BLTP3B: variants seen among roughly 807,000 people sequenced by gnomAD.
BLTP3B encodes the protein UHRF1 (ICBP90) binding protein 1-like.
At chr12:100,103,763 TG>T in the BLTP3B span, 1 of 581,652 alleles carries the variant, frequency 1.7e-6, no homozygotes, top group Non-Finnish European at 2.7e-6. Context: ...ATTTAAAGGA[TG>T]AAAAACCTGA....
the BLTP3B span, chr12:100,086,318 A>T: frequency 1.6e-5 from 22 of 1,414,694 alleles, no homozygotes; most frequent in East Asian, 7.9e-4. Context: ...GCTGTGTAAA[A>T]GAGAGTTGCA....
At chr12:100,126,270 C>G in the BLTP3B span, among the ~76,000 whole-genome samples, 7 of 152,114 alleles carry the variant, frequency 4.6e-5, no homozygotes, top group African/African-American at 7.2e-5. Flanking sequence ...ACAGTAGACA[C>G]AGATGTAAGA....
the BLTP3B span, chr12:100,039,923 A>C: frequency 7.2e-4 from 485 of 677,870 alleles, 6 homozygotes; most frequent in African/African-American, 8.4e-3. Flanking sequence ...ATGAGATAGA[A>C]CAACCAGTAA....
At chr12:100,078,139 G>A in the BLTP3B span, among the ~76,000 whole-genome samples, 1 of 152,124 alleles carries the variant, frequency 6.6e-6, no homozygotes, top group Non-Finnish European at 1.5e-5. Flanking sequence ...GATGGGAGGT[G>A]TTTGAGTCAT....
At chr12:100,048,020 GT>G in the BLTP3B span, 1 of 1,607,582 alleles carries the variant, frequency 6.2e-7, no homozygotes. Context: ...TCCAAAAAAT[GT>G]TGAATATTCA....
the BLTP3B span, among the ~76,000 whole-genome samples, chr12:100,105,898 A>G: frequency 1.3e-5 from 2 of 152,202 alleles, no homozygotes; most frequent in African/African-American, 4.8e-5. Flanking sequence ...GAGCAAGGAC[A>G]TGAACAGACA....
chr12:100,129,129 A>G, the BLTP3B span, among the ~76,000 whole-genome samples: 1 of 152,178 alleles, frequency 6.6e-6, no homozygotes, highest in African/African-American at 2.4e-5. Flanking sequence ...GGTTTAAGTG[A>G]CAAAACCCCC....
At chr12:100,050,107 T>C in the BLTP3B span, 2 of 1,345,924 alleles carry the variant, frequency 1.5e-6, no homozygotes, top group Non-Finnish European at 1.9e-6. Context: ...GTGAGACATA[T>C]ATAAAAGTTA....
At chr12:100,054,466 A>T in the BLTP3B span, among the ~76,000 whole-genome samples, 3 of 152,180 alleles carry the variant, frequency 2.0e-5, no homozygotes, top group South Asian at 6.2e-4. Flanking sequence ...TTATTTAATT[A>T]TTAGAAATAA....
the BLTP3B span, among the ~76,000 whole-genome samples, chr12:100,061,849 T>C: frequency 1.3e-5 from 2 of 152,148 alleles, no homozygotes; most frequent in East Asian, 1.9e-4. Flanking sequence ...AAAACAAGAC[T>C]AACAATGCTA....
At chr12:100,078,991 T>C in the BLTP3B span, among the ~76,000 whole-genome samples, 1 of 152,336 alleles carries the variant, frequency 6.6e-6, no homozygotes, top group Admixed American at 6.5e-5. Flanking sequence ...CCTGCCACCA[T>C]CCATGTAAGA....
the BLTP3B span, among the ~76,000 whole-genome samples, chr12:100,118,542 T>C: frequency 1.3e-5 from 2 of 152,130 alleles, no homozygotes; most frequent in South Asian, 2.1e-4. Context: ...AAAAAGGACA[T>C]TGGGTAAAAG....
the BLTP3B span, among the ~76,000 whole-genome samples, chr12:100,067,152 G>A: frequency 1.3e-5 from 2 of 152,098 alleles, no homozygotes; most frequent in Admixed American, 1.3e-4. Context: ...CAACTATAGT[G>A]ACAAAACCTA....
At chr12:100,120,793 A>G in the BLTP3B span, among the ~76,000 whole-genome samples, 5 of 149,688 alleles carry the variant, frequency 3.3e-5, no homozygotes, top group African/African-American at 7.3e-5. Context: ...ACAATTATGT[A>G]AGAGAGAGAG....
At chr12:100,066,793 G>A in the BLTP3B span, among the ~76,000 whole-genome samples, 1 of 149,362 alleles carries the variant, frequency 6.7e-6, no homozygotes, top group Non-Finnish European at 1.5e-5. Context: ...GACAGAGCAA[G>A]ACTCCATCTC....
chr12:100,130,996 AGAGAGAGAGAGAGAGAGAGAG>A, the BLTP3B span, among the ~76,000 whole-genome samples: 4 of 106,834 alleles, frequency 3.7e-5, no homozygotes, highest in African/African-American at 1.7e-4. Flanking sequence ...AGAGAGAGAG[AGAGAGAGAGAGAGAGAGAGAG>A]AGAGAGAGAG....
the BLTP3B span, chr12:100,092,980 T>C: frequency 4.1e-6 from 4 of 985,170 alleles, no homozygotes; most frequent in Non-Finnish European, 4.8e-6. Flanking sequence ...TCTAAAGTTC[T>C]GAACTTTTCT....
the BLTP3B span, chr12:100,097,241 T>C: frequency 2.1e-6 from 2 of 942,062 alleles, no homozygotes; most frequent in Non-Finnish European, 3.0e-6. Flanking sequence ...ACTGGTAATA[T>C]GCCAATATTT....
At chr12:100,080,622 T>C in the BLTP3B span, among the ~76,000 whole-genome samples, 1 of 152,192 alleles carries the variant, frequency 6.6e-6, no homozygotes, top group Non-Finnish European at 1.5e-5. Context: ...ACCCAATGCC[T>C]TGTACCCCCA....
Sources: allele counts gnomAD v4.1 joint callset (sites outside exome capture counted in the v4.1 genomes callset), GRCh38; gene constraint gnomAD v4.1.1; transcripts MANE v1.5; gene names NCBI Gene and HGNC (gene_info 2026-07-23, HGNC 2026-07-21).